KCNH5: variants seen among roughly 807,000 people sequenced by gnomAD.
KCNH5 encodes the protein potassium voltage-gated channel subfamily H member 5.
Under a neutral mutation model 96.1 loss-of-function variants are expected in KCNH5, and 46 were observed. The ratio of observed to expected loss-of-function variants is 0.48; its 90% CI spans 0.38 to 0.61. The LOEUF (loss-of-function observed/expected upper bound fraction) is 0.61. Among genes scored for constraint, KCNH5 ranks in the 20% least tolerant of loss-of-function variants. KCNH5 has a pLI of 0.00. For missense variants in KCNH5, 907 were observed against 1,225.8 expected, an observed-to-expected ratio of 0.74 and a Z score of 3.88; for synonymous variants, 439 against 449.8, an observed-to-expected ratio of 0.98 and a Z score of 0.30.
chr14:62,914,842 C>G (rs550818859), intron 7 of KCNH5, among the ~76,000 whole-genome samples: 1 of 152,306 alleles, frequency 6.6e-6, no homozygotes, highest in African/African-American at 2.4e-5. Context: ...CATGAGATAC[C>G]CACATGCCGA....
chr14:62,988,156 G>C (rs190686303), intron 4 of KCNH5, among the ~76,000 whole-genome samples: 60 of 152,114 alleles, frequency 3.9e-4, no homozygotes, highest in Middle Eastern at 3.4e-3. Context: ...TCAATAAGAA[G>C]TGAACAAATA....
intron 7 of KCNH5, among the ~76,000 whole-genome samples, chr14:62,891,519 A>G (rs1289776178): frequency 1.3e-5 from 2 of 152,138 alleles, no homozygotes; most frequent in African/African-American, 4.8e-5. Flanking sequence ...GAGTTTACCT[A>G]TGTAACAAAC....
At chr14:62,969,788 G>A (rs1472723863) in intron 6 of KCNH5, among the ~76,000 whole-genome samples, 1 of 136,210 alleles carries the variant, frequency 7.3e-6, no homozygotes, top group African/African-American at 2.8e-5. Flanking sequence ...TTGGCTGGGC[G>A]CAGTGGCTCA....
At chr14:62,775,135 A>G (rs1305021185) in intron 10 of KCNH5, among the ~76,000 whole-genome samples, 1 of 152,208 alleles carries the variant, frequency 6.6e-6, no homozygotes, top group Non-Finnish European at 1.5e-5. Flanking sequence ...ATCCATTAAT[A>G]TAATTGCTTT....
In KCNH5 at chr14:62,977,238, G is replaced by A. The variant is rs1008853964; in HGVS notation, c.942+3634C>T. On this transcript the variant is annotated intron_variant, in intron 6 of 10. Transcript: ENST00000322893. Reference sequence around the variant, plus strand: ...AAAAATTAGCCGAGTGTGGTGGTGCGCGCCTCTAGTCCCAGCTGCTGGGGA... The same window carrying A: ...AAAAATTAGCCGAGTGTGGTGGTGCACGCCTCTAGTCCCAGCTGCTGGGGA... Among the ~76,000 whole-genome samples, 27 of 152,052 alleles carry A rather than the reference G, an allele frequency of 1.8e-4. 2 individuals carry two copies. The highest frequency in any genetic ancestry group is 1.3e-3 in the Admixed American group (20 of 15,264).
intron 2 of KCNH5, among the ~76,000 whole-genome samples, chr14:63,009,532 G>A (rs148358481): frequency 1.4e-4 from 21 of 152,046 alleles, no homozygotes; most frequent in South Asian, 8.3e-4. Flanking sequence ...TTATTATACC[G>A]CATATTTCCA....
intron 7 of KCNH5, among the ~76,000 whole-genome samples, chr14:62,877,530 C>T (rs1006406879): frequency 1.3e-5 from 2 of 152,118 alleles, no homozygotes; most frequent in South Asian, 2.1e-4. Flanking sequence ...AACAAGTGGG[C>T]GAAGGACATG....
At chr14:62,742,471 A>G (rs1595602328) in intron 10 of KCNH5, among the ~76,000 whole-genome samples, 1 of 152,166 alleles carries the variant, frequency 6.6e-6, no homozygotes, top group African/African-American at 2.4e-5. Context: ...CCTGGCGCAC[A>G]TTAGAATTAC....
At chr14:62,897,295 G>A (rs1888833124) in intron 7 of KCNH5, among the ~76,000 whole-genome samples, 1 of 152,180 alleles carries the variant, frequency 6.6e-6, no homozygotes, top group Non-Finnish European at 1.5e-5. Flanking sequence ...TAAGTAATGA[G>A]TAACAGATGT....
At chr14:62,911,160 A>G (rs2140100724) in intron 7 of KCNH5, among the ~76,000 whole-genome samples, 1 of 152,324 alleles carries the variant, frequency 6.6e-6, no homozygotes, top group African/African-American at 2.4e-5. Flanking sequence ...AAGGACACAC[A>G]AGAATATATG....
At chr14:62,816,791 A>G (rs1453102285) in intron 8 of KCNH5, among the ~76,000 whole-genome samples, 5 of 151,838 alleles carry the variant, frequency 3.3e-5, no homozygotes, top group African/African-American at 1.2e-4. Flanking sequence ...GATGCTGGCT[A>G]TTCCCATCAA....
intron 6 of KCNH5, among the ~76,000 whole-genome samples, chr14:62,960,456 CATA>C (rs1016333136): frequency 4.6e-5 from 7 of 152,092 alleles, no homozygotes; most frequent in Admixed American, 1.3e-4. Context: ...ATAAATCTCT[CATA>C]ATAATTTCTG....
At chr14:63,024,262 C>A (rs961110342) in intron 1 of KCNH5, among the ~76,000 whole-genome samples, 1 of 150,856 alleles carries the variant, frequency 6.6e-6, no homozygotes, top group African/African-American at 2.4e-5. Flanking sequence ...CCACAACATA[C>A]CAAAACTTAA....
At chr14:62,888,204 G>C (rs1324311587) in intron 7 of KCNH5, among the ~76,000 whole-genome samples, 1 of 152,130 alleles carries the variant, frequency 6.6e-6, no homozygotes, top group Non-Finnish European at 1.5e-5. Context: ...AGGGAATGAA[G>C]TTTAATTTTA....
intron 6 of KCNH5, among the ~76,000 whole-genome samples, chr14:62,972,149 A>G (rs1161208786): frequency 6.6e-6 from 1 of 152,174 alleles, no homozygotes; most frequent in East Asian, 1.9e-4. Context: ...CTCTTAAAAC[A>G]ACAATTAAAA....
At chr14:62,841,304 C>A (rs937505080) in intron 8 of KCNH5, among the ~76,000 whole-genome samples, 3 of 152,098 alleles carry the variant, frequency 2.0e-5, no homozygotes, top group Non-Finnish European at 4.4e-5. Flanking sequence ...CTGAAAAAGT[C>A]TCGGAAGCAT....
chr14:62,774,123 C>T (rs1886047557), intron 10 of KCNH5, among the ~76,000 whole-genome samples: 1 of 152,092 alleles, frequency 6.6e-6, no homozygotes, highest in Admixed American at 6.6e-5. Context: ...GGAAAAGGGG[C>T]ATGGGCAAAG....
chr14:62,865,351 A>T (rs60360440), intron 7 of KCNH5, among the ~76,000 whole-genome samples: 4,589 of 143,612 alleles, frequency 0.032, 240 homozygotes, highest in African/African-American at 0.11. Context: ...AAAAAAAAAA[A>T]GCTTATTCTT....
At chr14:62,786,983 C>T (rs1234129085) in intron 9 of KCNH5, among the ~76,000 whole-genome samples, 2 of 152,056 alleles carry the variant, frequency 1.3e-5, no homozygotes, top group Admixed American at 1.3e-4. Flanking sequence ...CGAAATTAGG[C>T]CAACCAGCAA....
Sources: allele counts gnomAD v4.1 joint callset (sites outside exome capture counted in the v4.1 genomes callset), GRCh38; gene constraint gnomAD v4.1.1; transcripts MANE v1.5; gene names NCBI Gene and HGNC (gene_info 2026-07-23, HGNC 2026-07-21).